The following MAPKAP1 variants were observed in gnomAD, a reference collection of about 807,000 sequenced individuals.
MAPKAP1 encodes the protein target of rapamycin complex 2 subunit MAPKAP1.
In MAPKAP1, 20 loss-of-function variants were observed where a neutral mutation model predicts 65.7. The ratio of observed to expected loss-of-function variants is 0.30; its 90% CI spans 0.21 to 0.44. The LOEUF (loss-of-function observed/expected upper bound fraction) is 0.44, where lower values mean the gene tolerates loss of function less well. Ranked by LOEUF, MAPKAP1 falls within the 20% of genes least tolerant of loss-of-function variation. The pLI, the probability that MAPKAP1 is intolerant of heterozygous loss-of-function variation, is 1.00. For missense variants in MAPKAP1, 423 were observed against 648.0 expected (o/e 0.65, Z 3.77); for synonymous variants, 222 against 244.3 (o/e 0.91, Z 0.85).
intron 4 of MAPKAP1, among the ~76,000 whole-genome samples, chr9:125,594,471 C>G (rs538928160): frequency 1.4e-4 from 22 of 152,342 alleles, no homozygotes; most frequent in African/African-American, 5.3e-4. Context: ...GTAACCTCAC[C>G]TCTCAGAACT....
intron 10 of MAPKAP1, among the ~76,000 whole-genome samples, chr9:125,448,012 G>C (rs1852785287): frequency 6.6e-6 from 1 of 152,210 alleles, no homozygotes; most frequent in African/African-American, 2.4e-5. Context: ...AGTGCCTGGA[G>C]TCACCAGCTG....
intron 3 of MAPKAP1, among the ~76,000 whole-genome samples, chr9:125,669,404 G>A (rs1252544944): frequency 6.6e-6 from 1 of 151,520 alleles, no homozygotes; most frequent in Non-Finnish European, 1.5e-5. Context: ...CGCTTGAACC[G>A]GGGAGGCAGA....
intron 1 of MAPKAP1, among the ~76,000 whole-genome samples, chr9:125,704,544 T>C (rs548482280): frequency 3.9e-5 from 6 of 152,212 alleles, no homozygotes; most frequent in Non-Finnish European, 8.8e-5. Flanking sequence ...CTTCTTTTTG[T>C]ATCCCCAAGG....
chr9:125,441,193 C>T (rs947462745), intron 11 of MAPKAP1, among the ~76,000 whole-genome samples: 13 of 152,206 alleles, frequency 8.5e-5, no homozygotes, highest in African/African-American at 3.1e-4. Flanking sequence ...GCCACAGCCT[C>T]CATCACTCAA....
chr9:125,686,956 A>T (rs1001768755), intron 1 of MAPKAP1, among the ~76,000 whole-genome samples: 1 of 151,770 alleles, frequency 6.6e-6, no homozygotes, highest in Admixed American at 6.6e-5. Flanking sequence ...CCTCCCAAGT[A>T]GCTGGGACTA....
chr9:125,652,976 A>G (rs1423508807), intron 4 of MAPKAP1, among the ~76,000 whole-genome samples: 1 of 152,212 alleles, frequency 6.6e-6, no homozygotes, highest in African/African-American at 2.4e-5. Context: ...AGTACGTGGG[A>G]AAGACATCGT....
intron 4 of MAPKAP1, among the ~76,000 whole-genome samples, chr9:125,590,426 G>C (rs865827611): frequency 4.6e-5 from 7 of 152,212 alleles, no homozygotes; most frequent in Middle Eastern, 3.4e-3. Flanking sequence ...AAGGTGGGTG[G>C]ATCACCTTGG....
chr9:125,683,201 A>T (rs979197586), intron 1 of MAPKAP1, among the ~76,000 whole-genome samples: 5 of 151,982 alleles, frequency 3.3e-5, no homozygotes, highest in African/African-American at 1.2e-4. Flanking sequence ...CAGGCGATCC[A>T]CCCACCTCAG....
intron 4 of MAPKAP1, among the ~76,000 whole-genome samples, chr9:125,590,543 A>C (rs1831926407): frequency 1.3e-5 from 2 of 151,820 alleles, no homozygotes; most frequent in Admixed American, 1.3e-4. Context: ...CCAGCTACTG[A>C]GGAGGCTGAG....
chr9:125,471,942 A>G (rs1217788522), intron 9 of MAPKAP1: 1 of 152,280 alleles, frequency 6.6e-6, no homozygotes, highest in Non-Finnish European at 1.5e-5. Context: ...ACAATGTGCC[A>G]GCATGGTTAG....
intron 7 of MAPKAP1, among the ~76,000 whole-genome samples, chr9:125,513,535 CCAGCTATG>C (rs1310144278): frequency 6.6e-6 from 1 of 152,180 alleles, no homozygotes; most frequent in Non-Finnish European, 1.5e-5. Flanking sequence ...AGTAACGCTG[CCAGCTATG>C]CATCCTTGGG....
At chr9:125,473,754 G>A (rs1854008912) in intron 9 of MAPKAP1, among the ~76,000 whole-genome samples, 1 of 152,180 alleles carries the variant, frequency 6.6e-6, no homozygotes, top group South Asian at 2.1e-4. Context: ...CTTATTGAGA[G>A]CTTAGAACAC....
In MAPKAP1 at chr9:125,439,996, G is replaced by A. The variant is rs186544338; in HGVS notation, c.1444-984C>T. On this transcript the variant is annotated intron_variant, in intron 11 of 11. Coordinates refer to ENST00000265960, the MANE Select transcript of MAPKAP1 (RefSeq NM_001006617.3). The surrounding 1 kb of genome is among the most constrained non-coding windows in gnomAD (Gnocchi z 4.0). ...TGAGTGCGCAACGGGGAGGAGAGAC[G>A]CAGCATGCATCAAGGCACAGCAGGG... Among the ~76,000 whole-genome samples, 14 of 152,308 alleles carry A rather than the reference G, an allele frequency of 9.2e-5. No individual in the cohort carries two copies. In the East Asian group the frequency reaches 1.7e-3, roughly 19 times the overall value.
chr9:125,660,622 T>TC (rs778706354), intron 3 of MAPKAP1, among the ~76,000 whole-genome samples: 2 of 152,100 alleles, frequency 1.3e-5, no homozygotes, highest in Non-Finnish European at 2.9e-5. Context: ...TCTTGATCTT[T>TC]CCCCAAAGCT....
chr9:125,585,013 G>A (rs1831737975), intron 5 of MAPKAP1, among the ~76,000 whole-genome samples: 2 of 152,258 alleles, frequency 1.3e-5, no homozygotes, highest in African/African-American at 2.4e-5. Context: ...CGGACCAAAG[G>A]TTCTATAGAA....
At chr9:125,507,368 C>T (rs1025119977) in intron 7 of MAPKAP1, among the ~76,000 whole-genome samples, 6 of 152,146 alleles carry the variant, frequency 3.9e-5, no homozygotes, top group East Asian at 3.8e-4. Flanking sequence ...CTCTGAAAGG[C>T]GTGTTTGGTC....
chr9:125,701,065 A>G (rs1835580930), intron 1 of MAPKAP1, among the ~76,000 whole-genome samples: 1 of 152,158 alleles, frequency 6.6e-6, no homozygotes, highest in South Asian at 2.1e-4. Flanking sequence ...AGCATTTTAG[A>G]TTTGAGTCAT....
chr9:125,440,495 C>T (rs1044376509), intron 11 of MAPKAP1, among the ~76,000 whole-genome samples: 1 of 152,204 alleles, frequency 6.6e-6, no homozygotes, highest in Non-Finnish European at 1.5e-5. Flanking sequence ...AGAGGCCAGC[C>T]ACTGCCTCTG....
intron 3 of MAPKAP1, among the ~76,000 whole-genome samples, chr9:125,667,697 C>A (rs1307905780): frequency 1.3e-5 from 2 of 152,112 alleles, no homozygotes; most frequent in Non-Finnish European, 2.9e-5. Flanking sequence ...CAGGTGTGAG[C>A]CACAGTGCCT....
Sources: gnomAD v4.1 joint callset for allele counts (sites outside exome capture counted in the v4.1 genomes callset) on GRCh38, gnomAD v4.1.1 for gene constraint, Gnocchi (gnomAD v3.1) non-coding constraint, MANE v1.5 for transcripts, NCBI Gene and HGNC (gene_info 2026-07-23, HGNC 2026-07-21) for gene names.